The following SLC8B1 variants were observed in gnomAD, a reference collection of about 807,000 sequenced individuals.
SLC8B1 encodes mitochondrial sodium/calcium exchanger protein.
A neutral mutation model predicts 63.4 loss-of-function variants in SLC8B1; 52 were observed. The ratio of observed to expected loss-of-function variants is 0.82; its 90% CI spans 0.66 to 1.03. The LOEUF (loss-of-function observed/expected upper bound fraction) is 1.03. Ranked by LOEUF, SLC8B1 falls within the 50% of genes least tolerant of loss-of-function variation. SLC8B1 has a pLI of 0.00. For missense variants in SLC8B1, 657 were observed against 741.7 expected (o/e 0.89, Z 1.33); for synonymous variants, 336 against 323.9 (o/e 1.04, Z -0.40).
chr12:113,324,670 G>C (rs1335446086), intron 2 of SLC8B1, among the ~76,000 whole-genome samples: 3 of 151,738 alleles, frequency 2.0e-5, no homozygotes, highest in Admixed American at 2.0e-4. Context: ...GCCTCCCAGA[G>C]TGCTAGGATT....
intron 8 of SLC8B1, among the ~76,000 whole-genome samples, chr12:113,318,266 G>A (rs1048367924): frequency 2.0e-5 from 3 of 151,972 alleles, no homozygotes; most frequent in East Asian, 1.9e-4. Context: ...TGTTGTGTGT[G>A]CATGTATTTG....
chr12:113,326,920 T>C (rs756954747), intron 2 of SLC8B1, among the ~76,000 whole-genome samples: 1 of 152,122 alleles, frequency 6.6e-6, no homozygotes, highest in Non-Finnish European at 1.5e-5. Flanking sequence ...GGCTTGGGAA[T>C]CTCCATCAAC....
At position 113,335,081 on chromosome 12, in the gene SLC8B1, T is replaced by C. The variant is rs1957111574; in HGVS notation, c.-721A>G. On this transcript the variant is annotated 5_prime_UTR_variant, in exon 1 of 16. Transcript: ENST00000680972. ...AGGTCCCTGGCCGCCGGACCGACCT[T>C]GCGCCAGCGAAGCCGCCAGTCCGGG... 1 of 152,440 alleles carries C rather than the reference T, an allele frequency of 6.6e-6. No individual in the cohort carries two copies. The highest frequency in any genetic ancestry group is 2.1e-4 in the South Asian group (1 of 4,832). 9.4% of individuals were successfully genotyped at this position (152,440 alleles called of 1,614,324 possible).
chr12:113,334,127 C>T (rs936446237), intron 1 of SLC8B1, among the ~76,000 whole-genome samples: 1 of 152,204 alleles, frequency 6.6e-6, no homozygotes. Context: ...CGCGGGTTAG[C>T]AGTGGGGCCG....
rs747827925 is a variant in SLC8B1 at position 113,304,340 on chromosome 12, C to G, written c.1538G>C (p.Arg513Pro). 3.7e-6 allele frequency: 6 copies of G among 1,614,016 alleles called. No individual in the cohort carries two copies. The Admixed American group carries it at 1.0e-4, about 27-fold the overall frequency. The change falls in exon 15 of 16, where the codon CGA (arginine) becomes CCA (proline). Residue 513 changes from arginine to proline, a missense_variant. By Grantham distance (103) the Arg-to-Pro change is moderately radical. Coordinates refer to ENST00000680972, the MANE Select transcript of SLC8B1 (RefSeq NM_001358345.2). Reference protein sequence around the residue: ...VGLGCLLQISRSHTEVKLEPD... With the variant: ...VGLGCLLQISPSHTEVKLEPD... The stretch of plus-strand genomic sequence containing the variant: ...ACTCACCTTCACTTCTGTGTGGCTT[C>G]GGGAGATCTGGAGCAGGCAGCCCAG...
chr12:113,318,251 ATT>A (rs1411809650), intron 8 of SLC8B1, among the ~76,000 whole-genome samples: 1 of 147,640 alleles, frequency 6.8e-6, no homozygotes, highest in Non-Finnish European at 1.5e-5. Flanking sequence ...TGTGTTGTGT[ATT>A]TGTGTTGTGT....
chr12:113,320,697 C>T lies in SLC8B1; in HGVS notation c.421-11G>A. 1 of 1,611,726 alleles carries T rather than the reference C, an allele frequency of 6.2e-7. No individual in the cohort carries two copies. The highest frequency in any genetic ancestry group is 8.5e-7 in the Non-Finnish European group (1 of 1,179,032). On this transcript the variant is annotated splice_polypyrimidine_tract_variant and intron_variant, in intron 5 of 15. Transcript: ENST00000680972. The surrounding 1 kb of genome is among the most constrained non-coding windows in gnomAD (Gnocchi z 5.3). ...CAGGAAGGTGACGCCATGTGGGGAG[C>T]ATGTCAAGGCGGGCCAGGATCGCAG...
chr12:113,307,950 C>G, intron 12 of SLC8B1, 106 bp from the exon 13 acceptor site: 1 of 1,345,422 alleles, frequency 7.4e-7, no homozygotes. Flanking sequence ...ACCTCATGAG[C>G]TTATTATGAG....
chr12:113,325,757 G>GT (rs1035603035), intron 2 of SLC8B1, among the ~76,000 whole-genome samples: 17 of 151,602 alleles, frequency 1.1e-4, no homozygotes, highest in African/African-American at 3.9e-4. Flanking sequence ...GTAGAGATGG[G>GT]TTTCACCGTG....
chr12:113,316,472 C>T, intron 10 of SLC8B1, 54 bp downstream of exon 10: 1 of 1,592,048 alleles, frequency 6.3e-7, no homozygotes, highest in Non-Finnish European at 8.6e-7. Context: ...GGTAGCGTGG[C>T]CACTGTCTTG....
At chr12:113,303,000 GACAC>G (rs139104983) in intron 15 of SLC8B1, among the ~76,000 whole-genome samples, 31 of 151,088 alleles carry the variant, frequency 2.1e-4, no homozygotes, top group African/African-American at 7.6e-4. Flanking sequence ...AAAGGTGGTA[GACAC>G]ACGCGCACAC....
chr12:113,317,852 G>A (rs1956856421), intron 8 of SLC8B1, among the ~76,000 whole-genome samples: 1 of 152,080 alleles, frequency 6.6e-6, no homozygotes, highest in Admixed American at 6.6e-5. Context: ...GCATGAATTT[G>A]TGTATGTGTA....
At chr12:113,318,756 G>A (rs567363585) in intron 8 of SLC8B1, among the ~76,000 whole-genome samples, 1 of 152,292 alleles carries the variant, frequency 6.6e-6, no homozygotes, top group South Asian at 2.1e-4. Context: ...GAGAAGGAAG[G>A]AGTGCACTTG....
chr12:113,309,426 A>G (rs1342179413), intron 12 of SLC8B1, among the ~76,000 whole-genome samples: 1 of 152,198 alleles, frequency 6.6e-6, no homozygotes. Flanking sequence ...AAAGACACCC[A>G]CAAAGGCCAT....
At chr12:113,300,327 G>GT (rs1162183688) in intron 15 of SLC8B1, among the ~76,000 whole-genome samples, 2 of 152,110 alleles carry the variant, frequency 1.3e-5, no homozygotes, top group Non-Finnish European at 2.9e-5. Context: ...GTGAAACCCT[G>GT]TATCTACTAA....
At chr12:113,317,518 G>C (rs948886951) in intron 8 of SLC8B1, among the ~76,000 whole-genome samples, 4 of 152,316 alleles carry the variant, frequency 2.6e-5, no homozygotes, top group African/African-American at 9.6e-5. Flanking sequence ...AAAGTTAATA[G>C]GGGCATCTGA....
intron 14 of SLC8B1, 92 bp downstream of exon 14, chr12:113,306,403 C>G (rs527840320): frequency 8.7e-7 from 1 of 1,149,430 alleles, no homozygotes; most frequent in East Asian, 2.5e-5. Flanking sequence ...AGGTGTTACA[C>G]CGAGAACCAA....
Position 113,299,599 on chromosome 12 carries a change from A to C in SLC8B1, c.*178T>G. 1.6e-6 allele frequency: 1 copy of C among 630,600 alleles called. No homozygotes were observed. The highest frequency in any genetic ancestry group is 2.8e-5 in the East Asian group (1 of 35,920). 39.1% of individuals were successfully genotyped at this position (630,600 alleles called of 1,614,324 possible). A position where few individuals can be genotyped will look rare whatever the true frequency, so the allele number is the denominator to read the frequency against. ...CACGGCAAGGCTGTTGGGTGCTGGC[A>C]GCAAGAGGTACACAGCAGTTCTCCC... On this transcript the variant is annotated 3_prime_UTR_variant, in exon 16 of 16. Transcript: ENST00000680972.
chr12:113,306,066 CA>C (rs60824560), intron 14 of SLC8B1, among the ~76,000 whole-genome samples: 264 of 18,086 alleles, frequency 0.015, no homozygotes, highest in Middle Eastern at 0.045. Flanking sequence ...CCCCACCCTG[CA>C]AAAAAAAAAA....
Sources: gnomAD v4.1 joint callset for allele counts (sites outside exome capture counted in the v4.1 genomes callset) on GRCh38, gnomAD v4.1.1 for gene constraint, Gnocchi (gnomAD v3.1) non-coding constraint, MANE v1.5 for transcripts, NCBI Gene and HGNC (gene_info 2026-07-23, HGNC 2026-07-21) for gene names.